The following ACSM4 variants were observed in gnomAD, a reference collection of about 807,000 sequenced individuals.
ACSM4 encodes acyl-CoA synthetase medium chain family member 4.
In ACSM4, 66 loss-of-function variants were observed where a neutral mutation model predicts 73.0. The observed-to-expected ratio is 0.90, with a 90% CI of 0.74 to 1.11. The LOEUF is 1.11. Among genes scored for constraint, ACSM4 ranks in the 50% least tolerant of loss-of-function variants. The pLI is 0.00. For synonymous variants in ACSM4, 222 were observed against 254.0 expected (o/e 0.87, Z 1.20); for missense variants, 645 against 714.4 (o/e 0.90, Z 1.11).
At chr12:7,308,164 TA>T (rs1565751704) in intron 2 of ACSM4, among the ~76,000 whole-genome samples, 5 of 152,186 alleles carry the variant, frequency 3.3e-5, no homozygotes, top group African/African-American at 1.2e-4. Flanking sequence ...CAATATTGAA[TA>T]AAAACAGCAT....
At position 7,304,400 on chromosome 12, in the gene ACSM4, A is replaced by G; in HGVS notation, c.69A>G (p.Leu23=). 6.2e-7 allele frequency: 1 copy of G among 1,613,930 alleles called. No individual in the cohort carries two copies. Among genetic ancestry groups the G allele is most frequent in the Non-Finnish European group, 8.5e-7 (1 of 1,179,782 alleles). The change falls in exon 1 of 13, where the codon TTA becomes TTG. Residue 23 remains leucine (L), a synonymous_variant. Coordinates refer to ENST00000399422, the MANE Select transcript of ACSM4 (RefSeq NM_001080454.2). ...IWLTKPPGRR[L]HKDHQLWTPL... is the part of the protein sequence containing the mutation. ...TCACCAAGCCACCTGGCCGGCGCTTACACAAAGATCACCAGCTTTGGACGC... is the reference window on the plus strand; with the variant it reads ...TCACCAAGCCACCTGGCCGGCGCTTGCACAAAGATCACCAGCTTTGGACGC...
chr12:7,321,933 G>A (rs1946466434), intron 6 of ACSM4, among the ~76,000 whole-genome samples: 1 of 152,212 alleles, frequency 6.6e-6, no homozygotes, highest in African/African-American at 2.4e-5. Flanking sequence ...CTGGTACAGA[G>A]TTTCATGAGT....
At chr12:7,324,436 C>T (rs367867030) in intron 10 of ACSM4, 36 bp downstream of exon 10, 45 of 1,613,702 alleles carry the variant, frequency 2.8e-5, no homozygotes, top group Non-Finnish European at 3.7e-5. Flanking sequence ...GGTAACAATT[C>T]GACAGGGAGG....
At chr12:7,318,290 A>G in intron 5 of ACSM4, 108 bp downstream of exon 5, 1 of 1,427,230 alleles carries the variant, frequency 7.0e-7, no homozygotes, top group Non-Finnish European at 9.5e-7. Flanking sequence ...GCTTTTGGAA[A>G]TCATTTCTTT....
chr12:7,306,269 A>G (rs928937810), intron 1 of ACSM4, among the ~76,000 whole-genome samples: 2 of 152,204 alleles, frequency 1.3e-5, no homozygotes, highest in Non-Finnish European at 2.9e-5. Context: ...AGAAAACCAA[A>G]AAGTCCAGAG....
At position 7,306,659 on chromosome 12, in the gene ACSM4, G is replaced by A; in HGVS notation, c.328G>A (p.Gly110Ser). The change falls in exon 2 of 13, where the codon GGC becomes AGC. Residue 110 changes from glycine (G) to serine (S), a missense_variant. Gly to Ser is a moderately conservative substitution (Grantham distance 56). Coordinates refer to ENST00000399422, the MANE Select transcript of ACSM4 (RefSeq NM_001080454.2). ...TGCCAACGTGCTCACCAAGCCCTGT[G>A]GCCTGCAGAGAGGAGACCGTTTGGC... ...KAANVLTKPC[G>S]LQRGDRLAVI... 6.2e-7 allele frequency: 1 copy of A among 1,610,582 alleles called. No individual in the cohort carries two copies.
chr12:7,323,604 G>C (rs1455111596), intron 9 of ACSM4, 44 bp downstream of exon 9: 2 of 1,542,732 alleles, frequency 1.3e-6, no homozygotes, highest in Non-Finnish European at 1.8e-6. Flanking sequence ...ACAGACTTGG[G>C]TTCAAATTTC....
At chr12:7,323,177 A>G in intron 7 of ACSM4, 57 bp from the exon 8 acceptor site, 1 of 1,450,768 alleles carries the variant, frequency 6.9e-7, no homozygotes, top group Non-Finnish European at 9.4e-7. Flanking sequence ...CATTGCCATG[A>G]TATAGTTTCA....
intron 1 of ACSM4, among the ~76,000 whole-genome samples, chr12:7,306,267 A>T (rs1946361440): frequency 6.6e-6 from 1 of 152,208 alleles, no homozygotes; most frequent in Non-Finnish European, 1.5e-5. Flanking sequence ...TCAGAAAACC[A>T]AAAAGTCCAG....
chr12:7,324,602 G>A lies in ACSM4; in HGVS notation c.1536+4G>A. ...TCCAGATCAAATCCGCGGAGAGGTA[G>A]ATGAATGTCATTTATTAAAGAAGCA... On this transcript the variant is annotated splice_donor_region_variant and intron_variant, in intron 11 of 12. Coordinates refer to ENST00000399422, the MANE Select transcript of ACSM4 (RefSeq NM_001080454.2). The A allele has an allele frequency of 1.9e-6, 3 of 1,613,552 alleles. No homozygotes were observed. Among genetic ancestry groups the A allele is most frequent in the Non-Finnish European group, 2.5e-6 (3 of 1,179,518 alleles).
intron 2 of ACSM4, among the ~76,000 whole-genome samples, chr12:7,308,844 G>A (rs999561846): frequency 3.9e-5 from 6 of 151,956 alleles, no homozygotes; most frequent in African/African-American, 1.5e-4. Flanking sequence ...CAAACTTCAG[G>A]GAACTCACCA....
intron 12 of ACSM4, 46 bp downstream of exon 12, chr12:7,327,141 G>C: frequency 6.5e-7 from 1 of 1,528,390 alleles, no homozygotes; most frequent in East Asian, 2.4e-5. Context: ...ACCAAACTAG[G>C]GTCTAAGCTA....
At chr12:7,309,965 G>A (rs1415929720) in intron 2 of ACSM4, among the ~76,000 whole-genome samples, 2 of 151,958 alleles carry the variant, frequency 1.3e-5, no homozygotes, top group African/African-American at 4.8e-5. Context: ...TGTATTTTTA[G>A]TACAGACAGG....
In ACSM4 at chr12:7,306,641, G is replaced by A. The variant is rs377348838; in HGVS notation, c.310G>A (p.Val104Met). The A allele has an allele frequency of 8.3e-5, 133 of 1,608,548 alleles. 1 individual carries two copies. Among genetic ancestry groups the A allele is most frequent in the Non-Finnish European group, 1.1e-4 (125 of 1,177,614 alleles). The part of the protein sequence containing the change: ...LGSLSRKAAN[V>M]LTKPCGLQRG... ...CTCCTTGTCCCGAAAAGCTGCCAAC[G>A]TGCTCACCAAGCCCTGTGGCCTGCA... Residue 104 changes from valine (V) to methionine (M), a missense_variant, in exon 2 of 13, where the codon GTG becomes ATG. Transcript: ENST00000399422.
chr12:7,318,000 T>G, intron 4 of ACSM4, 26 bp from the exon 5 acceptor site: 1 of 1,607,614 alleles, frequency 6.2e-7, no homozygotes, highest in African/African-American at 1.3e-5. Context: ...TTTTGGTCTG[T>G]TTTGTTGCTT....
rs936628870 is a variant in ACSM4 at position 7,304,181 on chromosome 12, GGT to G, written c.-148_-147del. ...CTGAGGAAGGATGAGGTGTTTTTCAGGTGTTCCCCAACTTGCCAGGGACACAC... is the reference window on the plus strand; with the variant it reads ...CTGAGGAAGGATGAGGTGTTTTTCAGGTTCCCCAACTTGCCAGGGACACAC... On this transcript the variant is annotated 5_prime_UTR_variant, in exon 1 of 13. An upstream open reading frame in the 5' UTR loses its in-frame stop. Coordinates refer to ENST00000399422, the MANE Select transcript of ACSM4 (RefSeq NM_001080454.2). 1.3e-6 allele frequency: 1 copy of G among 768,498 alleles called. No individual in the cohort carries two copies. The highest frequency in any genetic ancestry group is 2.5e-5 in the East Asian group (1 of 39,558). The allele number at this position is 768,498 out of a possible 1,614,324, so 47.6% of individuals were successfully genotyped here.
At chr12:7,313,622 C>T (rs188298613) in intron 3 of ACSM4, among the ~76,000 whole-genome samples, 19 of 152,288 alleles carry the variant, frequency 1.2e-4, no homozygotes, top group Non-Finnish European at 2.2e-4. Context: ...TGATATTTCT[C>T]TTTTTCTGTC....
intron 2 of ACSM4, among the ~76,000 whole-genome samples, chr12:7,309,638 A>G (rs1360043738): frequency 6.6e-6 from 1 of 152,184 alleles, no homozygotes; most frequent in Non-Finnish European, 1.5e-5. Flanking sequence ...CCTGGGCTCA[A>G]GTGACCCTCC....
At chr12:7,306,976 C>T (rs1001918111) in intron 2 of ACSM4, among the ~76,000 whole-genome samples, 7 of 152,090 alleles carry the variant, frequency 4.6e-5, no homozygotes, top group Non-Finnish European at 1.0e-4. Context: ...AGAAGCTTGC[C>T]GGGCGTGGTG....
Sources: allele counts gnomAD v4.1 joint callset (sites outside exome capture counted in the v4.1 genomes callset), GRCh38; gene constraint gnomAD v4.1.1; transcripts MANE v1.5; gene names NCBI Gene and HGNC (gene_info 2026-07-23, HGNC 2026-07-21).